The following CNTN5 variants were observed in gnomAD, a reference collection of about 807,000 sequenced individuals.
CNTN5 encodes contactin-5.
Under a neutral mutation model 129.1 loss-of-function variants are expected in CNTN5, and 77 were observed. The ratio of observed to expected loss-of-function variants is 0.60; its 90% confidence interval spans 0.50 to 0.72. The LOEUF (loss-of-function observed/expected upper bound fraction) is 0.72, where lower values mean the gene tolerates loss of function less well. CNTN5 is among the 30% of genes least tolerant of loss of function. The pLI is 0.00. For synonymous variants in CNTN5, 509 were observed against 465.6 expected (o/e 1.09, Z -1.20); for missense variants, 1,478 against 1,328.8 (o/e 1.11, Z -1.75).
Position 99,724,082 on chromosome 11 carries a change from C to T in CNTN5, c.56-95462C>T, listed in dbSNP as rs371793961. ...TACACACACGTACTCTTCAATCAAA[C>T]TAGAAACTTCCTGTCTTTCAGCATG... is the stretch of plus-strand genomic sequence containing the variant. On this transcript the variant is annotated intron_variant, in intron 3 of 24. Coordinates refer to ENST00000524871, the MANE Select transcript of CNTN5 (RefSeq NM_014361.4). Among the ~76,000 whole-genome samples, 9 of 152,276 alleles carry T rather than the reference C, an allele frequency of 5.9e-5. No homozygotes were observed. In the East Asian group the frequency reaches 1.5e-3, roughly 26 times the overall value.
intron 10 of CNTN5, among the ~76,000 whole-genome samples, chr11:100,062,634 C>T (rs1040998429): frequency 6.6e-6 from 1 of 152,148 alleles, no homozygotes; most frequent in Non-Finnish European, 1.5e-5. Flanking sequence ...GCAGAGTCTA[C>T]TGCATTCTAC....
chr11:100,176,920 A>ATGCATTACAAG (rs1197383415), intron 13 of CNTN5, among the ~76,000 whole-genome samples: 24 of 151,502 alleles, frequency 1.6e-4, no homozygotes, highest in African/African-American at 5.8e-4. Context: ...TATATTGAGG[A>ATGCATTACAAG]TGCATTACAA....
At position 99,417,374 on chromosome 11, in the gene CNTN5, T is replaced by A. The variant is rs79652434; in HGVS notation, c.-71+91890T>A. Reference sequence around the variant, plus strand: ...GTGGTTATCTCAGGGAAGAAATTGCTAAGTATAAAATAATGACATAAGTGA... The same window carrying A: ...GTGGTTATCTCAGGGAAGAAATTGCAAAGTATAAAATAATGACATAAGTGA... On this transcript the variant is annotated intron_variant, in intron 2 of 24. Transcript: ENST00000524871. Among the ~76,000 whole-genome samples, 1,174 of 152,270 alleles carry A rather than the reference T, an allele frequency of 7.7e-3. 19 individuals carry two copies. The highest frequency in any genetic ancestry group is 0.027 in the African/African-American group (1,131 of 41,570).
intron 1 of CNTN5, among the ~76,000 whole-genome samples, chr11:99,227,564 A>C (rs1860759374): frequency 2.0e-5 from 3 of 152,264 alleles, no homozygotes; most frequent in Admixed American, 2.0e-4. Flanking sequence ...AGGAAAACAA[A>C]ACTATTTCTG....
chr11:99,387,206 C>A (rs139797101), intron 2 of CNTN5, among the ~76,000 whole-genome samples: 1 of 152,094 alleles, frequency 6.6e-6, no homozygotes, highest in Non-Finnish European at 1.5e-5. Flanking sequence ...GAAATGGTAA[C>A]AATTAATCAA....
At chr11:100,350,149 A>AT (rs1419312460) in intron 23 of CNTN5, among the ~76,000 whole-genome samples, 1 of 151,872 alleles carries the variant, frequency 6.6e-6, no homozygotes, top group African/African-American at 2.4e-5. Flanking sequence ...TGTTTCCTAC[A>AT]TTGTTAAGGA....
At chr11:99,328,406 T>G (rs1865869864) in intron 2 of CNTN5, among the ~76,000 whole-genome samples, 2 of 152,138 alleles carry the variant, frequency 1.3e-5, no homozygotes, top group Admixed American at 1.3e-4. Flanking sequence ...CACACAAAAT[T>G]GTTATTCAAC....
At chr11:99,956,734 T>C in intron 7 of CNTN5, 72 bp from the exon 8 acceptor site, 1 of 1,110,014 alleles carries the variant, frequency 9.0e-7, no homozygotes, top group Non-Finnish European at 1.4e-6. Context: ...TTCTAAAGGC[T>C]TTGTTGTTTG....
intron 1 of CNTN5, among the ~76,000 whole-genome samples, chr11:99,154,278 A>AC (rs1860224951): frequency 6.6e-6 from 1 of 152,094 alleles, no homozygotes. Context: ...TTGCACTTGC[A>AC]CCAGTGGCAG....
intron 6 of CNTN5, among the ~76,000 whole-genome samples, chr11:99,867,105 CT>C: frequency 6.6e-6 from 1 of 152,304 alleles, no homozygotes. Context: ...ATCTGAGTGA[CT>C]TCAAAGCTTG....
intron 2 of CNTN5, among the ~76,000 whole-genome samples, chr11:99,520,837 G>A (rs1000809739): frequency 6.6e-6 from 1 of 152,060 alleles, no homozygotes; most frequent in South Asian, 2.1e-4. Context: ...GGCTTGGGTA[G>A]CTCAAAAAAT....
intron 8 of CNTN5, among the ~76,000 whole-genome samples, chr11:99,959,391 T>C (rs940740140): frequency 3.3e-5 from 5 of 152,206 alleles, no homozygotes; most frequent in African/African-American, 1.2e-4. Flanking sequence ...ATCTTCCTAC[T>C]AATAAAATTT....
At chr11:99,687,537 C>T (rs1208492248) in intron 3 of CNTN5, among the ~76,000 whole-genome samples, 1 of 152,172 alleles carries the variant, frequency 6.6e-6, no homozygotes, top group East Asian at 1.9e-4. Context: ...AGAAGGCACA[C>T]ATTGAATTTT....
chr11:100,315,644 T>TGAAA (rs1951560124), intron 21 of CNTN5, among the ~76,000 whole-genome samples: 1 of 152,154 alleles, frequency 6.6e-6, no homozygotes, highest in Non-Finnish European at 1.5e-5. Context: ...AGCTGCCTCC[T>TGAAA]GAAAGAATGG....
chr11:100,019,510 C>CAAGAAGG (rs1484672119), intron 9 of CNTN5, among the ~76,000 whole-genome samples: 2 of 151,926 alleles, frequency 1.3e-5, no homozygotes, highest in East Asian at 3.9e-4. Context: ...CATGTTGTTA[C>CAAGAAGG]AAATGACAGG....
At chr11:100,194,737 T>G (rs1387393803) in intron 15 of CNTN5, among the ~76,000 whole-genome samples, 1 of 151,952 alleles carries the variant, frequency 6.6e-6, no homozygotes, top group Non-Finnish European at 1.5e-5. Flanking sequence ...GAAATCAAAG[T>G]GAAAAAGTTA....
intron 1 of CNTN5, among the ~76,000 whole-genome samples, chr11:99,078,477 C>G (rs1865667135): frequency 6.6e-6 from 1 of 152,078 alleles, no homozygotes; most frequent in South Asian, 2.1e-4. Context: ...TATCTGGATG[C>G]CCATATTTAT....
intron 16 of CNTN5, among the ~76,000 whole-genome samples, chr11:100,225,828 T>A (rs2138632425): frequency 6.6e-6 from 1 of 152,228 alleles, no homozygotes; most frequent in Admixed American, 6.5e-5. Flanking sequence ...CTTTTATTCA[T>A]CTGGACTCTT....
chr11:99,829,332 A>G (rs1241945562), intron 4 of CNTN5, among the ~76,000 whole-genome samples: 1 of 152,210 alleles, frequency 6.6e-6, no homozygotes, highest in Non-Finnish European at 1.5e-5. Flanking sequence ...GGTTGTGAAT[A>G]TTGTGGACTG....
Sources: gnomAD v4.1 joint callset for allele counts (sites outside exome capture counted in the v4.1 genomes callset) on GRCh38, gnomAD v4.1.1 for gene constraint, MANE v1.5 for transcripts, NCBI Gene and HGNC (gene_info 2026-07-23, HGNC 2026-07-21) for gene names.